The following VPS13B variants were observed in gnomAD, a reference collection of about 807,000 sequenced individuals.
VPS13B encodes intermembrane lipid transfer protein VPS13B.
A neutral mutation model predicts 426.4 loss-of-function variants in VPS13B; 285 were observed. The observed-to-expected ratio is 0.67, with a 90% CI of 0.61 to 0.74. VPS13B has a LOEUF of 0.74. Ranked by LOEUF, VPS13B falls within the 30% of genes least tolerant of loss-of-function variation. The pLI is 0.00. For missense variants in VPS13B, 4,537 were observed against 4,782.6 expected (o/e 0.95, Z 1.51); for synonymous variants, 1,676 against 1,676.4 (o/e 1.00, Z 0.01).
At chr8:99,384,772 C>T (rs1157139438) in intron 20 of VPS13B, among the ~76,000 whole-genome samples, 2 of 152,168 alleles carry the variant, frequency 1.3e-5, no homozygotes, top group East Asian at 1.9e-4. Flanking sequence ...GACTACCTCC[C>T]GAGTTCAAGT....
intron 25 of VPS13B, among the ~76,000 whole-genome samples, chr8:99,487,640 C>T (rs1051348567): frequency 1.3e-5 from 2 of 152,150 alleles, no homozygotes; most frequent in African/African-American, 4.8e-5. Context: ...CTCTATTCTA[C>T]TTTCTGTCTC....
intron 30 of VPS13B, among the ~76,000 whole-genome samples, chr8:99,544,596 T>C (rs573465682): frequency 2.9e-4 from 44 of 152,176 alleles, no homozygotes; most frequent in Non-Finnish European, 4.3e-4. Flanking sequence ...GATTGAATTG[T>C]GGAAAGAATT....
intron 53 of VPS13B, 25 bp from the exon 54 acceptor site, chr8:99,835,514 G>A (rs1017955361): frequency 6.2e-7 from 1 of 1,609,264 alleles, no homozygotes; most frequent in African/African-American, 1.3e-5. Flanking sequence ...GGCTAATTCT[G>A]CATATGCCTT....
chr8:99,559,739 G>A (rs1305238723), intron 31 of VPS13B, among the ~76,000 whole-genome samples: 2 of 152,100 alleles, frequency 1.3e-5, no homozygotes, highest in Non-Finnish European at 2.9e-5. Flanking sequence ...TTATTTCTGA[G>A]GGCTCTATTC....
At chr8:99,405,257 CCTAACATGT>C (rs1372392683) in intron 21 of VPS13B, among the ~76,000 whole-genome samples, 1 of 152,076 alleles carries the variant, frequency 6.6e-6, no homozygotes, top group Non-Finnish European at 1.5e-5. Flanking sequence ...GGTGCTCAAG[CCTAACATGT>C]CTTGTTTCAT....
chr8:99,102,442 T>A (rs1056931155), intron 4 of VPS13B, among the ~76,000 whole-genome samples: 1 of 152,188 alleles, frequency 6.6e-6, no homozygotes. Flanking sequence ...ATGATGGTCA[T>A]GTTTCTTCTA....
chr8:99,861,039 T>C (rs1246586627), intron 57 of VPS13B, among the ~76,000 whole-genome samples: 2 of 152,236 alleles, frequency 1.3e-5, no homozygotes, highest in Non-Finnish European at 2.9e-5. Flanking sequence ...AAAGCTGAAG[T>C]ATTTCTTTAT....
At chr8:99,849,644 A>C (rs562807325) in intron 55 of VPS13B, among the ~76,000 whole-genome samples, 2 of 152,280 alleles carry the variant, frequency 1.3e-5, no homozygotes, top group East Asian at 3.9e-4. Context: ...TTTCAGAGTT[A>C]AGGAAATGGA....
intron 15 of VPS13B, among the ~76,000 whole-genome samples, chr8:99,157,252 G>A (rs1811411926): frequency 6.7e-6 from 1 of 149,912 alleles, no homozygotes; most frequent in Non-Finnish European, 1.5e-5. Context: ...CATAGTAATT[G>A]TGTGTGTGTA....
rs147710096 is a variant in VPS13B at position 99,875,459 on chromosome 8, C to T, written c.11787C>T (p.Asn3929=). ...AGAGACTGTCAGAGCAACAGTACAACAGACTGGTGGACTACATCACAAAGA... is the reference window on the plus strand; with the variant it reads ...AGAGACTGTCAGAGCAACAGTACAATAGACTGGTGGACTACATCACAAAGA... ...VRERLSEQQY[N]RLVDYITKTS... is the part of the protein sequence containing the mutation. Residue 3929 remains asparagine, a synonymous_variant, in exon 62 of 62, where the codon AAC becomes AAT. Coordinates refer to ENST00000357162, the MANE Select transcript of VPS13B (RefSeq NM_152564.5). 1.2e-4 allele frequency: 190 copies of T among 1,614,178 alleles called. 1 individual carries two copies. The East Asian group carries it at 3.8e-3, about 32-fold the overall frequency.
chr8:99,697,568 C>T, intron 35 of VPS13B: 2 of 684,598 alleles, frequency 2.9e-6, no homozygotes. Flanking sequence ...CGAGAACATG[C>T]AAGAGATCAA....
chr8:99,505,876 A>G (rs1056675022), intron 27 of VPS13B, among the ~76,000 whole-genome samples: 1 of 152,214 alleles, frequency 6.6e-6, no homozygotes, highest in Non-Finnish European at 1.5e-5. Context: ...GGTTCTTAAC[A>G]GATACATTGA....
chr8:99,345,519 CT>C (rs1475540783), intron 19 of VPS13B, among the ~76,000 whole-genome samples: 1 of 151,936 alleles, frequency 6.6e-6, no homozygotes, highest in South Asian at 2.1e-4. Flanking sequence ...TATATTTTTT[CT>C]TTTTTTCAAT....
At chr8:99,583,882 T>C (rs1243952870) in intron 33 of VPS13B, among the ~76,000 whole-genome samples, 1 of 152,144 alleles carries the variant, frequency 6.6e-6, no homozygotes, top group African/African-American at 2.4e-5. Flanking sequence ...GCTTACTCTC[T>C]TGAGGTAGTC....
chr8:99,455,095 AT>A (rs1388290145), intron 23 of VPS13B, among the ~76,000 whole-genome samples: 1 of 152,084 alleles, frequency 6.6e-6, no homozygotes, highest in Non-Finnish European at 1.5e-5. Context: ...GTTTGCAGAA[AT>A]TTTTAATTTT....
intron 3 of VPS13B, among the ~76,000 whole-genome samples, chr8:99,080,210 G>A (rs1006482548): frequency 1.3e-5 from 2 of 151,650 alleles, no homozygotes. Context: ...ACTTTCTTTA[G>A]TGTGTCTTTT....
At chr8:99,195,343 G>A (rs1004047981) in intron 17 of VPS13B, among the ~76,000 whole-genome samples, 10 of 152,108 alleles carry the variant, frequency 6.6e-5, no homozygotes, top group African/African-American at 9.7e-5. Flanking sequence ...TATGTTGGCC[G>A]TTTGCATTGT....
chr8:99,144,322 TC>T (rs1810583224), intron 13 of VPS13B, among the ~76,000 whole-genome samples: 1 of 151,334 alleles, frequency 6.6e-6, no homozygotes, highest in African/African-American at 2.4e-5. Context: ...CAAGACCCAG[TC>T]TCTACAAAAG....
intron 17 of VPS13B, among the ~76,000 whole-genome samples, chr8:99,229,149 G>T (rs1816180637): frequency 6.6e-6 from 1 of 152,168 alleles, no homozygotes; most frequent in Non-Finnish European, 1.5e-5. Context: ...GTGAAAAAAA[G>T]GGTCGGGAAC....
Sources: gnomAD v4.1 joint callset for allele counts (sites outside exome capture counted in the v4.1 genomes callset) on GRCh38, gnomAD v4.1.1 for gene constraint, MANE v1.5 for transcripts, NCBI Gene and HGNC (gene_info 2026-07-23, HGNC 2026-07-21) for gene names.